ATP2B4: variants seen among roughly 807,000 people sequenced by gnomAD.
ATP2B4 encodes ATPase plasma membrane Ca2+ transporting 4.
A neutral mutation model predicts 110.3 loss-of-function variants in ATP2B4; 39 were observed. That is an observed-to-expected ratio of 0.35 (90% CI 0.27 to 0.46). The LOEUF is 0.46. Ranked by LOEUF, ATP2B4 falls within the 20% of genes least tolerant of loss-of-function variation. ATP2B4 has a pLI of 1.00. For missense variants in ATP2B4, 1,135 were observed against 1,530.9 expected, an observed-to-expected ratio of 0.74 and a Z score of 4.32; for synonymous variants, 538 against 571.7, an observed-to-expected ratio of 0.94 and a Z score of 0.84.
Position 203,739,687 on chromosome 1 carries a change from G to A in ATP2B4, c.3451G>A (p.Glu1151Lys), listed in dbSNP as rs549338823. ...ELPRTPLLDE[E>K]EEENPDKASK... is the part of the protein sequence containing the mutation. ...GCCACGAACACCACTCCTGGATGAG[G>A]AAGAGGAGGAAAATCCTGACAAGGC... Residue 1151 changes from glutamate to lysine, a missense_variant, in exon 21 of 21, where the codon GAA (glutamate) becomes AAA (lysine). Transcript: ENST00000357681. 2 of 1,614,182 alleles carry A rather than the reference G, an allele frequency of 1.2e-6. No homozygotes were observed. The highest frequency in any genetic ancestry group is 2.2e-5 in the South Asian group (2 of 91,082).
At chr1:203,705,350 A>AC (rs530485070) in intron 8 of ATP2B4, among the ~76,000 whole-genome samples, 2 of 152,134 alleles carry the variant, frequency 1.3e-5, no homozygotes, top group Non-Finnish European at 2.9e-5. Flanking sequence ...CATTAAATCT[A>AC]CCCCACCTAA....
At chr1:203,628,784 C>T (rs993558680) in intron 1 of ATP2B4, among the ~76,000 whole-genome samples, 4 of 151,986 alleles carry the variant, frequency 2.6e-5, no homozygotes, top group Non-Finnish European at 5.9e-5. Flanking sequence ...CTGGGAGTGA[C>T]GAGGGGCTGG....
chr1:203,726,166 G>T (rs1006415820), intron 19 of ATP2B4, among the ~76,000 whole-genome samples: 3 of 151,806 alleles, frequency 2.0e-5, no homozygotes, highest in Non-Finnish European at 4.4e-5. Flanking sequence ...AACCCGGGAG[G>T]CGGAGTGCAA....
chr1:203,679,365 C>T (rs767748203), intron 1 of ATP2B4, among the ~76,000 whole-genome samples: 7 of 152,180 alleles, frequency 4.6e-5, no homozygotes, highest in Non-Finnish European at 8.8e-5. Context: ...CACCTTAAAC[C>T]TCAGGCCCCA....
intron 1 of ATP2B4, among the ~76,000 whole-genome samples, chr1:203,678,368 C>T (rs1664890445): frequency 6.9e-6 from 1 of 145,552 alleles, no homozygotes; most frequent in African/African-American, 2.5e-5. Context: ...GTTCTTGTCT[C>T]TGGCAGCTCC....
intron 1 of ATP2B4, among the ~76,000 whole-genome samples, chr1:203,643,852 C>T (rs535187347): frequency 2.0e-5 from 3 of 152,330 alleles, no homozygotes; most frequent in African/African-American, 7.2e-5. Context: ...ACTGAGCCCA[C>T]TCATCAGCCT....
chr1:203,687,799 G>A (rs997148669), intron 2 of ATP2B4, among the ~76,000 whole-genome samples: 1 of 152,042 alleles, frequency 6.6e-6, no homozygotes, highest in African/African-American at 2.4e-5. Context: ...GCTGGCCGCA[G>A]TAGCTCATGC....
intron 20 of ATP2B4, among the ~76,000 whole-genome samples, chr1:203,732,773 C>G (rs925280857): frequency 6.6e-6 from 1 of 151,026 alleles, no homozygotes; most frequent in African/African-American, 2.4e-5. Flanking sequence ...CGAGAGTGTG[C>G]CACTGCACTC....
At chr1:203,636,925 A>G (rs1663456253) in intron 1 of ATP2B4, among the ~76,000 whole-genome samples, 1 of 152,168 alleles carries the variant, frequency 6.6e-6, no homozygotes, top group Non-Finnish European at 1.5e-5. Flanking sequence ...TTGAACTGCC[A>G]CCATTGATGT....
In ATP2B4 at chr1:203,680,428, T is replaced by C. The variant is rs1311235934; in HGVS notation, c.-464-2314T>C. 2.6e-5 allele frequency among the ~76,000 whole-genome samples: 4 copies of C among 151,976 alleles called. No homozygotes were observed. In the East Asian group the frequency reaches 7.8e-4, roughly 29 times the overall value. On this transcript the variant is annotated intron_variant, in intron 1 of 20. Transcript: ENST00000357681. ...ACCAAGACCATCCTGGCTAACACGG[T>C]GAAACCCCGTCTCCACTAAAAATAC... is the stretch of plus-strand genomic sequence containing the variant.
At chr1:203,702,491 G>C (rs1431617555) in intron 7 of ATP2B4, among the ~76,000 whole-genome samples, 1 of 152,176 alleles carries the variant, frequency 6.6e-6, no homozygotes, top group Non-Finnish European at 1.5e-5. Context: ...CCTCTTGCTA[G>C]CTTCCTCATA....
At chr1:203,676,455 C>T (rs780949853) in intron 1 of ATP2B4, among the ~76,000 whole-genome samples, 2 of 152,086 alleles carry the variant, frequency 1.3e-5, no homozygotes, top group African/African-American at 4.8e-5. Flanking sequence ...TTCACACCTC[C>T]GGAGAGAAGG....
At chr1:203,660,392 C>T (rs1664300383) in intron 1 of ATP2B4, among the ~76,000 whole-genome samples, 1 of 152,030 alleles carries the variant, frequency 6.6e-6, no homozygotes, top group African/African-American at 2.4e-5. Flanking sequence ...AGAATGCACG[C>T]CATTGGGGTG....
chr1:203,663,143 A>G (rs1003454096), intron 1 of ATP2B4, among the ~76,000 whole-genome samples: 1 of 151,918 alleles, frequency 6.6e-6, no homozygotes, highest in Non-Finnish European at 1.5e-5. Flanking sequence ...TGTTTTTTGC[A>G]TTTCTTCCCC....
At position 203,699,685 on chromosome 1, in the gene ATP2B4, T is replaced by C. The variant is rs1172813670; in HGVS notation, c.617T>C (p.Ile206Thr). The C allele has an allele frequency of 3.7e-6, 6 of 1,613,992 alleles. No homozygotes were observed. The Admixed American group carries it at 5.0e-5, about 13-fold the overall frequency. Residue 206 changes from isoleucine to threonine, a missense_variant, in exon 4 of 21, where the codon ATT becomes ACT. Ile to Thr is a moderately conservative substitution (Grantham distance 89, BLOSUM62 -1). Coordinates refer to ENST00000357681, the MANE Select transcript of ATP2B4 (RefSeq NM_001684.5). ...CTCATCCAGCTCCCTGTGGCTGAGA[T>C]TGTGGTTGGTGATATTGCCCAAGTC... Reference protein sequence around the residue: ...GQLIQLPVAEIVVGDIAQVKY... With the variant: ...GQLIQLPVAETVVGDIAQVKY...
intron 1 of ATP2B4, among the ~76,000 whole-genome samples, chr1:203,641,478 C>G (rs1307401724): frequency 6.6e-6 from 1 of 152,164 alleles, no homozygotes; most frequent in African/African-American, 2.4e-5. Flanking sequence ...ACCAGACTCT[C>G]TCTAGGATAT....
chr1:203,657,979 C>T (rs1664217058), intron 1 of ATP2B4, among the ~76,000 whole-genome samples: 3 of 152,172 alleles, frequency 2.0e-5, no homozygotes, highest in Admixed American at 2.0e-4. Context: ...GCTAGGATTA[C>T]AGGCGTGAAC....
chr1:203,644,788 T>A (rs1663743470), intron 1 of ATP2B4, among the ~76,000 whole-genome samples: 1 of 152,282 alleles, frequency 6.6e-6, no homozygotes, highest in African/African-American at 2.4e-5. Context: ...GAGACTTGGC[T>A]TAGGAATTGG....
intron 19 of ATP2B4, among the ~76,000 whole-genome samples, chr1:203,726,517 G>A (rs79755808): frequency 0.011 from 1,657 of 151,872 alleles, 34 homozygotes; most frequent in African/African-American, 0.038. Context: ...CTCTGTTCTG[G>A]CTCTTGCCTC....
Sources: allele counts gnomAD v4.1 joint callset (sites outside exome capture counted in the v4.1 genomes callset), GRCh38; gene constraint gnomAD v4.1.1; transcripts MANE v1.5; gene names NCBI Gene and HGNC (gene_info 2026-07-23, HGNC 2026-07-21).